MAP1S: variants seen among roughly 807,000 people sequenced by gnomAD.
MAP1S encodes the protein microtubule-associated protein 1S.
A neutral mutation model predicts 60.9 loss-of-function variants in MAP1S; 27 were observed. The ratio of observed to expected loss-of-function variants is 0.44; its 90% confidence interval spans 0.33 to 0.61. MAP1S has a LOEUF of 0.61. Among genes scored for constraint, MAP1S ranks in the 20% least tolerant of loss-of-function variants. The probability of loss-of-function intolerance (pLI) is 0.03; values close to 1 mark genes in which losing one functional copy is unlikely to be tolerated. For synonymous variants in MAP1S, 826 were observed against 694.2 expected, an observed-to-expected ratio of 1.19 and a Z score of -2.98; for missense variants, 1,608 against 1,486.6, an observed-to-expected ratio of 1.08 and a Z score of -1.34.
In MAP1S at chr19:17,734,510, C is replaced by A; in HGVS notation, c.*82C>A. The A allele has an allele frequency of 6.6e-7, 1 of 1,509,580 alleles. No homozygotes were observed. The highest frequency in any genetic ancestry group is 8.9e-7 in the Non-Finnish European group (1 of 1,123,422). The allele number at this position is 1,509,580 out of a possible 1,614,324, so 93.5% of individuals were successfully genotyped here. Reference sequence around the variant, plus strand: ...ACATCAGAAATAAACTGTGACTACACTTGGCTGTGGCCTCTCTTCTTTCTG... The same window carrying A: ...ACATCAGAAATAAACTGTGACTACAATTGGCTGTGGCCTCTCTTCTTTCTG... On this transcript the variant is annotated 3_prime_UTR_variant, in exon 7 of 7. Coordinates refer to ENST00000324096, the MANE Select transcript of MAP1S (RefSeq NM_018174.6).
At chr19:17,734,144 A>C in intron 6 of MAP1S, 129 bp from the exon 7 acceptor site, 1 of 735,878 alleles carries the variant, frequency 1.4e-6, no homozygotes, top group South Asian at 1.8e-5. Flanking sequence ...AGCACACAAG[A>C]TCAGGGAAAA....
In MAP1S at chr19:17,727,513, C is replaced by A. The variant is rs2080447934; in HGVS notation, c.2129C>A (p.Ala710Asp). The A allele has an allele frequency of 6.2e-7, 1 of 1,610,894 alleles. No individual in the cohort carries two copies. ...VSFEQVLPPS[A>D]PTSEAGLSLP... ...TTTGAGCAGGTGCTGCCGCCATCCG[C>A]CCCCACCAGTGAGGCTGGGCTGAGC... The change falls in exon 5 of 7, where the codon GCC becomes GAC. Residue 710 changes from alanine to aspartate, a missense_variant. Physicochemically the swap from Ala to Asp is moderately radical, Grantham distance 126. This residue lies in a region of MAP1S where 1,167 missense variants were observed against 961.4 expected (regional missense o/e 1.21). Transcript: ENST00000324096. The surrounding 1 kb of genome is among the most constrained non-coding windows in gnomAD (Gnocchi z 4.1).
intron 5 of MAP1S, among the ~76,000 whole-genome samples, chr19:17,730,067 C>T (rs6512217): frequency 0.049 from 7,501 of 152,212 alleles, 621 homozygotes; most frequent in African/African-American, 0.17. Context: ...CTCGGCCTCC[C>T]AAAGTGCTGG....
chr19:17,727,324 C>T lies in MAP1S; in HGVS notation c.1940C>T (p.Pro647Leu). 3 of 1,591,778 alleles carry T rather than the reference C, an allele frequency of 1.9e-6. No homozygotes were observed. Among genetic ancestry groups the T allele is most frequent in the Non-Finnish European group, 2.6e-6 (3 of 1,173,450 alleles). ...RTPSPESHRSPAEGSERLSLS... is the reference protein window; with the variant it reads ...RTPSPESHRSLAEGSERLSLS... ...CCCTCCCCTGAGTCCCACCGGAGCC[C>T]CGCAGAGGGCAGCGAGCGGCTGTCG... Residue 647 changes from proline (P) to leucine (L), a missense_variant, in exon 5 of 7, where the codon CCC becomes CTC. By Grantham distance (98) the Pro-to-Leu change is moderately conservative. Coordinates refer to ENST00000324096, the MANE Select transcript of MAP1S (RefSeq NM_018174.6). The surrounding 1 kb of genome is among the most constrained non-coding windows in gnomAD (Gnocchi z 4.1).
rs753541109 is a variant in MAP1S at position 17,727,872 on chromosome 19, G to C, written c.2488G>C (p.Val830Leu). 11 of 1,612,828 alleles carry C rather than the reference G, an allele frequency of 6.8e-6. No homozygotes were observed. Among genetic ancestry groups the C allele is most frequent in the Non-Finnish European group, 8.5e-6 (10 of 1,179,636 alleles). ...RHDPLPDPLK[V>L]PPPLPDPSSI... is the part of the protein sequence containing the mutation. ...CGACCCTTTGCCTGACCCCCTCAAG[G>C]TCCCCCCACCACTGCCTGACCCATC... Residue 830 changes from valine (V) to leucine (L), a missense_variant, in exon 5 of 7, where the codon GTC becomes CTC. By Grantham distance (32) the Val-to-Leu change is conservative (BLOSUM62 1). Around this residue, in one of 4 missense-constraint regions of MAP1S, gnomAD observed 1,167 missense variants for 961.4 expected, o/e 1.21. Transcript: ENST00000324096. This position sits in a 1 kb window ranked among gnomAD's most constrained non-coding sequence, Gnocchi z 4.1.
rs1448481857 is a variant in MAP1S, at chr19:17,725,831, C to A, written c.447C>A (p.Ile149=). The A allele has an allele frequency of 6.2e-7, 1 of 1,610,186 alleles. No homozygotes were observed. Among genetic ancestry groups the A allele is most frequent in the Non-Finnish European group, 8.5e-7 (1 of 1,178,592 alleles). Residue 149 remains isoleucine, a splice_region_variant and synonymous_variant, in exon 5 of 7, where the codon ATC becomes ATA. Coordinates refer to ENST00000324096, the MANE Select transcript of MAP1S (RefSeq NM_018174.6). The surrounding 1 kb of genome is among the most constrained non-coding windows in gnomAD (Gnocchi z 4.2). ...CTTACCACTCCTCCTCCATACAGAT[C>A]CGGGACATCCTGGCCACCACGCCCC... The part of the protein sequence containing the change: ...HFLQVLKDRE[I]RDILATTPPP...
intron 5 of MAP1S, among the ~76,000 whole-genome samples, chr19:17,731,096 C>T (rs554828108): frequency 2.6e-5 from 4 of 151,854 alleles, no homozygotes; most frequent in African/African-American, 7.2e-5. Flanking sequence ...GGTTTCACCA[C>T]GTTGGCCAGG....
Position 17,726,734 on chromosome 19 carries a change from C to T in MAP1S, c.1350C>T (p.His450=). The T allele has an allele frequency of 1.3e-6, 2 of 1,586,018 alleles. No homozygotes were observed. The highest frequency in any genetic ancestry group is 8.6e-7 in the Non-Finnish European group (1 of 1,169,548). ...TGGACGGCCTGGTCCGCCTGCAGCA[C>T]TTGAGGTTCCTGCGAGAGCCCGTGG... ...CLLDGLVRLQ[H]LRFLREPVVT... is the part of the protein sequence containing the mutation. The change falls in exon 5 of 7, where the codon CAC becomes CAT. Residue 450 remains histidine, a synonymous_variant. Transcript: ENST00000324096.
chr19:17,719,578 A>G lies in MAP1S; in HGVS notation c.76A>G (p.Ser26Gly). 1 of 1,245,598 alleles carries G rather than the reference A, an allele frequency of 8.0e-7. No individual in the cohort carries two copies. Among genetic ancestry groups the G allele is most frequent in the African/African-American group, 1.6e-5 (1 of 64,370 alleles). 77.2% of individuals were successfully genotyped at this position (1,245,598 alleles called of 1,614,324 possible). A position where few individuals can be genotyped will look rare whatever the true frequency, so the allele number is the denominator to read the frequency against. Reference protein sequence around the residue: ...LLLVVGSEFGSPGLLTYVLEE... With the variant: ...LLLVVGSEFGGPGLLTYVLEE... ...CCTCGTGGTGGGCAGCGAGTTCGGG[A>G]GCCCGGGGCTCCTCACCTACGTCCT... Residue 26 changes from serine to glycine, a missense_variant, in exon 1 of 7, where the codon AGC becomes GGC. Ser to Gly is a moderately conservative substitution (Grantham distance 56, BLOSUM62 0). This residue lies in a region of MAP1S where 320 missense variants were observed against 393.1 expected (regional missense o/e 0.81). Coordinates refer to ENST00000324096, the MANE Select transcript of MAP1S (RefSeq NM_018174.6).
In MAP1S at chr19:17,727,784, G is replaced by C; in HGVS notation, c.2400G>C (p.Val800=). 6.2e-7 allele frequency: 1 copy of C among 1,611,702 alleles called. No homozygotes were observed. Among genetic ancestry groups the C allele is most frequent in the Non-Finnish European group, 8.5e-7 (1 of 1,179,084 alleles). ...SLPTLSDSDP[V]PLAPGAADSD... is the part of the protein sequence containing the mutation. Reference sequence around the variant, plus strand: ...CCACCCTGTCTGACTCGGATCCCGTGCCCCTGGCCCCCGGTGCGGCAGACT... The same window carrying C: ...CCACCCTGTCTGACTCGGATCCCGTCCCCCTGGCCCCCGGTGCGGCAGACT... The change falls in exon 5 of 7, where the codon GTG becomes GTC. Residue 800 remains valine, a synonymous_variant. Transcript: ENST00000324096. The surrounding 1 kb of genome is among the most constrained non-coding windows in gnomAD (Gnocchi z 4.1).
Position 17,726,845 on chromosome 19 carries a change from C to G in MAP1S, c.1461C>G (p.Leu487=), listed in dbSNP as rs2145975752. 12 of 1,554,388 alleles carry G rather than the reference C, an allele frequency of 7.7e-6. No homozygotes were observed. Among genetic ancestry groups the G allele is most frequent in the Non-Finnish European group, 1.0e-5 (12 of 1,149,624 alleles). Residue 487 remains leucine (L), a synonymous_variant, in exon 5 of 7, where the codon CTC becomes CTG. Coordinates refer to ENST00000324096, the MANE Select transcript of MAP1S (RefSeq NM_018174.6). ...GGGACAGCTCGAAGAGAGAGGGCCT[C>G]CTGGCCACCCACCCTAGACCTGGCC... ...GSRDSSKREG[L]LATHPRPGQE...
chr19:17,731,935 G>T (rs890605162), intron 5 of MAP1S, among the ~76,000 whole-genome samples: 1 of 152,246 alleles, frequency 6.6e-6, no homozygotes, highest in Admixed American at 6.5e-5. Context: ...CCAAAGTGCT[G>T]GGATTACAGG....
chr19:17,728,250 A>G (rs2080462163), intron 5 of MAP1S, 78 bp downstream of exon 5: 1 of 1,432,716 alleles, frequency 7.0e-7, no homozygotes, highest in Non-Finnish European at 9.3e-7. Flanking sequence ...CCCTGTTTTT[A>G]CATTTTCAGT....
chr19:17,725,857 C>A lies in MAP1S; in HGVS notation c.473C>A (p.Pro158Gln), dbSNP rs746050605. ...CGGGACATCCTGGCCACCACGCCCC[C>A]ACCTGTGCAGCCGCCCATACTCACC... ...EIRDILATTP[P>Q]PVQPPILTIT... The change falls in exon 5 of 7, where the codon CCA (proline) becomes CAA (glutamine). Residue 158 changes from proline (P) to glutamine (Q), a missense_variant. Pro to Gln is a moderately conservative substitution (Grantham distance 76, BLOSUM62 -1). This residue lies in a region of MAP1S where 320 missense variants were observed against 393.1 expected (regional missense o/e 0.81). Transcript: ENST00000324096. This position sits in a 1 kb window ranked among gnomAD's most constrained non-coding sequence, Gnocchi z 4.2. 5.0e-6 allele frequency: 8 copies of A among 1,613,144 alleles called. No homozygotes were observed. The highest frequency in any genetic ancestry group is 1.7e-5 in the Admixed American group (1 of 59,928).
intron 1 of MAP1S, 67 bp downstream of exon 1, chr19:17,719,687 C>A: frequency 1.1e-6 from 1 of 883,946 alleles, no homozygotes. Context: ...GGGCCCGGGG[C>A]CGGCGGGGTG....
chr19:17,730,162 G>T (rs1024458713), intron 5 of MAP1S, among the ~76,000 whole-genome samples: 1 of 152,162 alleles, frequency 6.6e-6, no homozygotes, highest in African/African-American at 2.4e-5. Context: ...GCTGCTTGAC[G>T]CTAGCCAGTC....
intron 5 of MAP1S, 61 bp downstream of exon 5, chr19:17,728,233 C>G (rs1260377592): frequency 6.8e-7 from 1 of 1,476,734 alleles, no homozygotes; most frequent in East Asian, 2.3e-5. Flanking sequence ...GAGAGCATAG[C>G]TCGTCCCCCT....
rs773651551 is a variant in MAP1S, at chr19:17,721,049, G to A, written c.220+12G>A. 6.2e-7 allele frequency: 1 copy of A among 1,611,326 alleles called. No individual in the cohort carries two copies. Among genetic ancestry groups the A allele is most frequent in the African/African-American group, 1.3e-5 (1 of 74,964 alleles). The stretch of plus-strand genomic sequence containing the variant: ...CAGCATTGTGAAAGGTGAGGCTGGG[G>A]TCCCCCTGACTGCTCCCTACCTCTT... On this transcript the variant is annotated intron_variant, in intron 2 of 6. Transcript: ENST00000324096.
Position 17,733,352 on chromosome 19 carries a change from A to C in MAP1S, c.2948A>C (p.Gln983Pro). The change falls in exon 6 of 7, where the codon CAG becomes CCG. Residue 983 changes from glutamine (Q) to proline (P), a missense_variant. Physicochemically the swap from Gln to Pro is moderately conservative, Grantham distance 76. Transcript: ENST00000324096. ...TGCTACGTCATCAGTGGCCAGGACC[A>C]GCGCAAGGAGGAAGGCATGCGGGCC... ...ALCYVISGQD[Q>P]RKEEGMRAVL... The C allele has an allele frequency of 1.9e-6, 3 of 1,610,878 alleles. No homozygotes were observed. Among genetic ancestry groups the C allele is most frequent in the Non-Finnish European group, 2.5e-6 (3 of 1,179,166 alleles).
Sources: allele counts gnomAD v4.1 joint callset (sites outside exome capture counted in the v4.1 genomes callset), GRCh38; gene constraint gnomAD v4.1.1; regional missense constraint gnomAD v4.1.1; non-coding constraint Gnocchi (gnomAD v3.1); transcripts MANE v1.5; gene names NCBI Gene and HGNC (gene_info 2026-07-23, HGNC 2026-07-21).